Variants in PPP2R5E observed in about 807,000 individuals in gnomAD.
PPP2R5E encodes protein phosphatase 2 regulatory subunit B'epsilon, also known as serine/threonine-protein phosphatase 2A 56 kDa regulatory subunit epsilon isoform.
A neutral mutation model predicts 65.3 loss-of-function variants in PPP2R5E; 4 were observed. That is an observed-to-expected ratio of 0.06 (90% CI 0.03 to 0.14). The LOEUF (loss-of-function observed/expected upper bound fraction) is 0.14, where lower values mean the gene tolerates loss of function less well. Ranked by LOEUF, PPP2R5E falls within the 10% of genes least tolerant of loss-of-function variation. PPP2R5E has a pLI of 1.00. For missense variants in PPP2R5E, 274 were observed against 556.1 expected, an observed-to-expected ratio of 0.49 and a Z score of 5.10; for synonymous variants, 183 against 187.4, an observed-to-expected ratio of 0.98 and a Z score of 0.19.
At chr14:63,468,142 A>T (rs1043883874) in intron 2 of PPP2R5E, among the ~76,000 whole-genome samples, 2 of 152,260 alleles carry the variant, frequency 1.3e-5, no homozygotes, top group African/African-American at 4.8e-5. Context: ...AGTATCTTTT[A>T]CAAAATGAGC....
intron 2 of PPP2R5E, among the ~76,000 whole-genome samples, chr14:63,530,020 ACT>A (rs1893346200): frequency 6.6e-6 from 1 of 151,926 alleles, no homozygotes; most frequent in African/African-American, 2.4e-5. Context: ...TAAGCCAAAA[ACT>A]CTTAACTATA....
intron 2 of PPP2R5E, among the ~76,000 whole-genome samples, chr14:63,507,169 A>T (rs1892224662): frequency 6.6e-6 from 1 of 152,220 alleles, no homozygotes; most frequent in Admixed American, 6.5e-5. Context: ...TAGCCTGGGT[A>T]AGTAGTGAGC....
intron 3 of PPP2R5E, among the ~76,000 whole-genome samples, chr14:63,434,079 T>C (rs966258196): frequency 1.3e-5 from 2 of 152,234 alleles, no homozygotes; most frequent in Non-Finnish European, 2.9e-5. Flanking sequence ...AGTAAACATA[T>C]GCATGGGTTC....
At chr14:63,431,723 G>C (rs2139925224) in intron 3 of PPP2R5E, among the ~76,000 whole-genome samples, 1 of 152,332 alleles carries the variant, frequency 6.6e-6, no homozygotes, top group East Asian at 1.9e-4. Context: ...ACATGCACTT[G>C]TGACAGTTGT....
At chr14:63,467,144 T>C (rs1288314798) in intron 2 of PPP2R5E, among the ~76,000 whole-genome samples, 1 of 150,132 alleles carries the variant, frequency 6.7e-6, no homozygotes, top group Non-Finnish European at 1.5e-5. Context: ...GAGAATGGCA[T>C]GGACCTGGGA....
intron 2 of PPP2R5E, 120 bp downstream of exon 2, chr14:63,539,409 T>C: frequency 9.5e-7 from 1 of 1,057,048 alleles, no homozygotes; most frequent in Non-Finnish European, 1.3e-6. Flanking sequence ...AACTTCAATG[T>C]ATGTGAAGTA....
intron 2 of PPP2R5E, among the ~76,000 whole-genome samples, chr14:63,525,959 A>T (rs541880595): frequency 1.3e-5 from 2 of 152,118 alleles, no homozygotes; most frequent in African/African-American, 4.8e-5. Context: ...TGGGTTCAAG[A>T]GATTCTCCTG....
intron 3 of PPP2R5E, among the ~76,000 whole-genome samples, chr14:63,445,653 G>T (rs112611792): frequency 1.1e-3 from 167 of 152,224 alleles, no homozygotes; most frequent in South Asian, 6.4e-3. Context: ...GACCAGCCTG[G>T]CCAACATGGT....
chr14:63,536,331 T>C (rs1229895900), intron 2 of PPP2R5E, among the ~76,000 whole-genome samples: 1 of 152,156 alleles, frequency 6.6e-6, no homozygotes, highest in Non-Finnish European at 1.5e-5. Context: ...CACACTGAAA[T>C]ACCACTTCAT....
chr14:63,433,100 C>T (rs1222938874), intron 3 of PPP2R5E, among the ~76,000 whole-genome samples: 1 of 134,640 alleles, frequency 7.4e-6, no homozygotes, highest in Non-Finnish European at 1.5e-5. Flanking sequence ...TGCAGTGGTG[C>T]GATTACAGCT....
At position 63,402,482 on chromosome 14, in the gene PPP2R5E, G is replaced by A. The variant is rs559309731; in HGVS notation, c.550-5766C>T. 2.0e-5 allele frequency among the ~76,000 whole-genome samples: 3 copies of A among 152,166 alleles called. No homozygotes were observed. In the South Asian group the frequency reaches 6.2e-4, roughly 32 times the overall value. ...AACAAACAATTATAAGGAACTCAGA[G>A]GAAACAGGCACAATGCTAGGAGTAC... is the stretch of plus-strand genomic sequence containing the variant. On this transcript the variant is annotated intron_variant, in intron 5 of 13. Transcript: ENST00000337537.
intron 2 of PPP2R5E, among the ~76,000 whole-genome samples, chr14:63,470,723 T>TAAA (rs35190574): frequency 0.025 from 3,133 of 124,442 alleles, 99 homozygotes; most frequent in African/African-American, 0.077. Context: ...ATCAACAGAT[T>TAAA]AAAAAAAAAA....
intron 3 of PPP2R5E, among the ~76,000 whole-genome samples, chr14:63,450,002 A>G (rs1308222135): frequency 6.6e-6 from 1 of 150,976 alleles, no homozygotes; most frequent in Non-Finnish European, 1.5e-5. Context: ...CAGCCTCCCA[A>G]GTAGCTGGGA....
At chr14:63,508,028 G>T in intron 2 of PPP2R5E, 1 of 470,970 alleles carries the variant, frequency 2.1e-6, no homozygotes, top group Non-Finnish European at 2.8e-6. Context: ...AGCTTGAGTG[G>T]CACCTAATGC....
At chr14:63,422,950 A>G (rs1002860059) in intron 3 of PPP2R5E, among the ~76,000 whole-genome samples, 3 of 152,242 alleles carry the variant, frequency 2.0e-5, no homozygotes, top group African/African-American at 7.2e-5. Context: ...AAACCTCTAT[A>G]AACTAGGCAT....
At chr14:63,415,582 CAATAT>C in intron 4 of PPP2R5E, among the ~76,000 whole-genome samples, 1 of 152,204 alleles carries the variant, frequency 6.6e-6, no homozygotes, top group African/African-American at 2.4e-5. Flanking sequence ...ACCATTTAAA[CAATAT>C]ATTATGTATA....
chr14:63,428,610 A>T (rs1274016391), intron 3 of PPP2R5E, among the ~76,000 whole-genome samples: 1 of 152,184 alleles, frequency 6.6e-6, no homozygotes, highest in Admixed American at 6.5e-5. Flanking sequence ...TCAGTACATT[A>T]GTTTACTGCT....
chr14:63,507,909 C>T (rs902003934), intron 2 of PPP2R5E, among the ~76,000 whole-genome samples: 4 of 152,196 alleles, frequency 2.6e-5, no homozygotes, highest in African/African-American at 9.6e-5. Flanking sequence ...TGCCTAGGGG[C>T]ACTTGATTAG....
chr14:63,377,392 A>C (rs933262690), intron 13 of PPP2R5E, among the ~76,000 whole-genome samples: 3 of 152,088 alleles, frequency 2.0e-5, no homozygotes, highest in Non-Finnish European at 4.4e-5. Flanking sequence ...CATTATAACC[A>C]ATGTTTTTTA....
Sources: allele counts gnomAD v4.1 joint callset (sites outside exome capture counted in the v4.1 genomes callset), GRCh38; gene constraint gnomAD v4.1.1; transcripts MANE v1.5; gene names NCBI Gene and HGNC (gene_info 2026-07-23, HGNC 2026-07-21).